TNS1: variants seen among roughly 807,000 people sequenced by gnomAD.
TNS1 encodes tensin-1.
In TNS1, 62 loss-of-function variants were observed where a neutral mutation model predicts 168.6. That is an observed-to-expected ratio of 0.37 (90% CI 0.30 to 0.45). TNS1 has a LOEUF of 0.45. TNS1 is among the 20% of genes least tolerant of loss of function. TNS1 has a pLI of 1.00. For missense variants in TNS1, 2,240 were observed against 2,339.4 expected, an observed-to-expected ratio of 0.96 and a Z score of 0.88; for synonymous variants, 934 against 933.2, an observed-to-expected ratio of 1.00 and a Z score of -0.02.
intron 3 of TNS1, among the ~76,000 whole-genome samples, chr2:217,952,106 C>T (rs1559384870): frequency 6.6e-6 from 1 of 152,224 alleles, no homozygotes; most frequent in Non-Finnish European, 1.5e-5. Flanking sequence ...ACAAATCGTG[C>T]TGAGTGACCT....
At chr2:217,979,708 C>T (rs934187309) in intron 2 of TNS1, among the ~76,000 whole-genome samples, 5 of 152,174 alleles carry the variant, frequency 3.3e-5, no homozygotes, top group East Asian at 1.9e-4. Flanking sequence ...CATGGGTGGG[C>T]GAGGGGTCTC....
chr2:217,884,991 C>T, intron 16 of TNS1, 44 bp downstream of exon 16: 1 of 1,611,160 alleles, frequency 6.2e-7, no homozygotes, highest in African/African-American at 1.3e-5. Flanking sequence ...GCTCCTCTCC[C>T]TGCCACAGGG....
intron 29 of TNS1, 73 bp downstream of exon 29, chr2:217,810,175 G>C: frequency 1.3e-6 from 2 of 1,554,142 alleles, no homozygotes; most frequent in South Asian, 1.1e-5. Context: ...CAGCCTGCAC[G>C]TGCAGGAGGG....
intron 18 of TNS1, among the ~76,000 whole-genome samples, chr2:217,869,644 C>T (rs75340046): frequency 0.015 from 2,320 of 152,330 alleles, 52 homozygotes; most frequent in African/African-American, 0.052. Flanking sequence ...CCAAGTCCAC[C>T]AGGGCAAGAA....
At chr2:217,904,614 A>G (rs952984537) in intron 6 of TNS1, among the ~76,000 whole-genome samples, 5 of 152,230 alleles carry the variant, frequency 3.3e-5, no homozygotes, top group Non-Finnish European at 5.9e-5. Flanking sequence ...ACACAGGCAC[A>G]GACACATCCA....
At chr2:217,908,194 G>T (rs1260786155) in intron 4 of TNS1, among the ~76,000 whole-genome samples, 4 of 152,172 alleles carry the variant, frequency 2.6e-5, no homozygotes, top group Non-Finnish European at 5.9e-5. Context: ...ATAAACTCCT[G>T]TTGGCTGATC....
At chr2:218,029,847 G>C (rs567206636) in intron 1 of TNS1, among the ~76,000 whole-genome samples, 2 of 152,170 alleles carry the variant, frequency 1.3e-5, no homozygotes, top group African/African-American at 2.4e-5. Context: ...GAGTACGTGC[G>C]TGTGTTCAGT....
intron 2 of TNS1, 44 bp from the exon 3 acceptor site, chr2:217,978,846 T>C: frequency 1.4e-6 from 1 of 700,546 alleles, no homozygotes; most frequent in Non-Finnish European, 2.6e-6. Flanking sequence ...AGCCGCGAGG[T>C]ATGAAATGGA....
Position 217,948,792 on chromosome 2 carries a change from G to A in TNS1, c.187-28556C>T, listed in dbSNP as rs1050385196. The stretch of plus-strand genomic sequence containing the variant: ...GTAGGGGCACCCCCTGCTCACCACT[G>A]TGTCCTCTATGACATCTCATTGGCA... On this transcript the variant is annotated intron_variant, in intron 3 of 32. Coordinates refer to ENST00000682258, the MANE Select transcript of TNS1 (RefSeq NM_001387777.1). This position sits in a 1 kb window ranked among gnomAD's most constrained non-coding sequence, Gnocchi z 4.1. 6.6e-6 allele frequency among the ~76,000 whole-genome samples: 1 copy of A among 152,198 alleles called. No individual in the cohort carries two copies. The highest frequency in any genetic ancestry group is 2.4e-5 in the African/African-American group (1 of 41,452).
intron 1 of TNS1, among the ~76,000 whole-genome samples, chr2:218,016,474 C>A (rs1958761255): frequency 6.6e-6 from 1 of 152,206 alleles, no homozygotes; most frequent in Non-Finnish European, 1.5e-5. Flanking sequence ...GATCATCTCA[C>A]TGGGCTCCTC....
At chr2:217,963,912 G>T (rs77748418) in intron 3 of TNS1, among the ~76,000 whole-genome samples, 1 of 142,186 alleles carries the variant, frequency 7.0e-6, no homozygotes, top group Non-Finnish European at 1.5e-5. Flanking sequence ...AAAATTAGTC[G>T]GGTGTGGTAA....
At chr2:217,809,342 T>TA (rs1940078406) in intron 30 of TNS1, among the ~76,000 whole-genome samples, 1 of 77,240 alleles carries the variant, frequency 1.3e-5, no homozygotes, top group Non-Finnish European at 2.7e-5. Context: ...GATGGATGGA[T>TA]GGATGCATGG....
At chr2:217,893,186 C>A (rs927113599) in intron 10 of TNS1, among the ~76,000 whole-genome samples, 174 bp from the exon 11 acceptor site, 9 of 152,090 alleles carry the variant, frequency 5.9e-5, no homozygotes, top group African/African-American at 2.2e-4. Flanking sequence ...GGGACTAAGT[C>A]TCAGAAAAAA....
At chr2:217,970,127 C>T (rs768321881) in intron 3 of TNS1, among the ~76,000 whole-genome samples, 30 of 152,152 alleles carry the variant, frequency 2.0e-4, no homozygotes, top group Non-Finnish European at 2.5e-4. Flanking sequence ...CACCAAAGAT[C>T]GCTGGAAACC....
chr2:217,828,373 G>A (rs1225301774), intron 22 of TNS1, among the ~76,000 whole-genome samples: 4 of 152,224 alleles, frequency 2.6e-5, no homozygotes, highest in African/African-American at 7.2e-5. Flanking sequence ...CCCCGCTTAG[G>A]GGGTGGAAAA....
At position 217,818,713 on chromosome 2, in the gene TNS1, G is replaced by T; in HGVS notation, c.3619C>A (p.Pro1207Thr). ...FPSGESSDQG[P>T]RTPTQPLLES... Reference sequence around the variant, plus strand: ...AACAGAGGCTGGGTGGGCGTCCGGGGACCCTGGTCACTGCTCTCTCCCGAC... The same window carrying T: ...AACAGAGGCTGGGTGGGCGTCCGGGTACCCTGGTCACTGCTCTCTCCCGAC... Residue 1207 changes from proline to threonine, a missense_variant, in exon 24 of 33, where the codon CCC becomes ACC. By Grantham distance (38) the Pro-to-Thr change is conservative. Coordinates refer to ENST00000682258, the MANE Select transcript of TNS1 (RefSeq NM_001387777.1). 1 of 1,614,030 alleles carries T rather than the reference G, an allele frequency of 6.2e-7. No individual in the cohort carries two copies. The highest frequency in any genetic ancestry group is 8.5e-7 in the Non-Finnish European group (1 of 1,180,006).
chr2:217,817,604 G>T, intron 24 of TNS1, 86 bp downstream of exon 24: 1 of 1,215,102 alleles, frequency 8.2e-7, no homozygotes, highest in Non-Finnish European at 1.1e-6. Context: ...CCAAGAGAAT[G>T]TCAGAATAGA....
intron 22 of TNS1, among the ~76,000 whole-genome samples, chr2:217,822,657 G>A (rs1388330475): frequency 2.6e-5 from 4 of 152,140 alleles, no homozygotes; most frequent in Admixed American, 6.5e-5. Flanking sequence ...CATTATACAC[G>A]GCACTACCTG....
intron 3 of TNS1, among the ~76,000 whole-genome samples, chr2:217,961,260 C>CACAGAGAGAG (rs1553620892): frequency 5.0e-5 from 7 of 139,924 alleles, no homozygotes; most frequent in African/African-American, 1.1e-4. Context: ...CACACACACA[C>CACAGAGAGAG]AGAGAGAGAG....
Sources: allele counts gnomAD v4.1 joint callset (sites outside exome capture counted in the v4.1 genomes callset), GRCh38; gene constraint gnomAD v4.1.1; non-coding constraint Gnocchi (gnomAD v3.1); transcripts MANE v1.5; gene names NCBI Gene and HGNC (gene_info 2026-07-23, HGNC 2026-07-21).